The following TUT7 variants were observed in gnomAD, a reference collection of about 807,000 sequenced individuals.
The protein encoded by TUT7 is terminal uridylyl transferase 7.
A neutral mutation model predicts 165.9 loss-of-function variants in TUT7; 33 were observed. The ratio of observed to expected loss-of-function variants is 0.20; its 90% CI spans 0.15 to 0.27. The LOEUF is 0.27. Ranked by LOEUF, TUT7 falls within the 10% of genes least tolerant of loss-of-function variation. TUT7 has a pLI of 1.00. For missense variants in TUT7, 1,338 were observed against 1,762.3 expected (o/e 0.76, Z 4.31); for synonymous variants, 552 against 608.1 (o/e 0.91, Z 1.36).
chr9:86,346,845 T>C, intron 2 of TUT7, among the ~76,000 whole-genome samples: 1 of 152,286 alleles, frequency 6.6e-6, no homozygotes, highest in East Asian at 1.9e-4. Flanking sequence ...TTACAATACA[T>C]ATTGTAAATA....
At chr9:86,302,149 CAT>C (rs1385181863) in intron 25 of TUT7, among the ~76,000 whole-genome samples, 1 of 151,956 alleles carries the variant, frequency 6.6e-6, no homozygotes, top group Non-Finnish European at 1.5e-5. Flanking sequence ...ATTTGAGCAC[CAT>C]GTTTTAAAAT....
chr9:86,327,156 T>G (rs55634966), intron 11 of TUT7, among the ~76,000 whole-genome samples: 2,241 of 152,330 alleles, frequency 0.015, 57 homozygotes, highest in African/African-American at 0.051. Flanking sequence ...CCAGAAATTT[T>G]AAGCATTATT....
intron 20 of TUT7, 61 bp downstream of exon 20, chr9:86,309,402 G>A: frequency 6.7e-7 from 1 of 1,495,630 alleles, no homozygotes; most frequent in Non-Finnish European, 9.1e-7. Flanking sequence ...TTTTAGAGGA[G>A]GAGAAAGGCT....
At chr9:86,303,756 G>T (rs1415790195) in intron 24 of TUT7, among the ~76,000 whole-genome samples, 1 of 152,188 alleles carries the variant, frequency 6.6e-6, no homozygotes. Flanking sequence ...TCCCCAGGGA[G>T]CTTGCTGGAA....
At chr9:86,322,136 C>T (rs1829362904) in intron 14 of TUT7, among the ~76,000 whole-genome samples, 189 bp downstream of exon 14, 1 of 151,998 alleles carries the variant, frequency 6.6e-6, no homozygotes, top group Non-Finnish European at 1.5e-5. Flanking sequence ...TCTCCTCATC[C>T]TTCTTTGACA....
At chr9:86,320,948 G>A (rs1224183822) in intron 14 of TUT7, among the ~76,000 whole-genome samples, 2 of 152,138 alleles carry the variant, frequency 1.3e-5, no homozygotes, top group Admixed American at 6.5e-5. Context: ...ATATAACCTG[G>A]TCCCTTCTTT....
rs1365160653 is a variant in TUT7 at position 86,345,722 on chromosome 9, T to C, written c.766A>G (p.Ile256Val). The change falls in exon 4 of 27, where the codon ATT becomes GTT. Residue 256 changes from isoleucine (I) to valine (V), a missense_variant. Physicochemically the swap from Ile to Val is conservative, Grantham distance 29. Transcript: ENST00000375963. ...CRLCDVLIESIAFAHKHIKEK... is the reference protein window; with the variant it reads ...CRLCDVLIESVAFAHKHIKEK... Reference sequence around the variant, plus strand: ...TTGATATGCTTATGGGCAAATGCAATGGATTCAATTAAAACATCACAGAGT... The same window carrying C: ...TTGATATGCTTATGGGCAAATGCAACGGATTCAATTAAAACATCACAGAGT... 2 of 1,613,754 alleles carry C rather than the reference T, an allele frequency of 1.2e-6. No individual in the cohort carries two copies. The highest frequency in any genetic ancestry group is 1.3e-5 in the African/African-American group (1 of 74,916).
At chr9:86,326,610 T>C (rs1352750004) in intron 11 of TUT7, 1 of 154,426 alleles carries the variant, frequency 6.5e-6, no homozygotes, top group Non-Finnish European at 1.5e-5. Flanking sequence ...AAGAAATCCA[T>C]ATATCACTGA....
intron 21 of TUT7, 107 bp downstream of exon 21, chr9:86,309,105 G>A: frequency 1.5e-6 from 1 of 688,436 alleles, no homozygotes; most frequent in Non-Finnish European, 2.5e-6. Flanking sequence ...ACTATCATAA[G>A]ATATATAAAT....
intron 26 of TUT7, among the ~76,000 whole-genome samples, chr9:86,291,594 T>TAAAAAAAAAAAAAAAAAA (rs1825902340): frequency 7.6e-6 from 1 of 131,340 alleles, no homozygotes. Context: ...AAAAAAAAAG[T>TAAAAAAAAAAAAAAAAAA]AAAAGGGCCC....
intron 2 of TUT7, 188 bp downstream of exon 2, chr9:86,352,492 A>G: frequency 1.4e-6 from 1 of 691,040 alleles, no homozygotes; most frequent in Non-Finnish European, 2.4e-6. Flanking sequence ...AACATATGAA[A>G]TGTGTTTTAG....
chr9:86,295,672 C>T (rs1312041279), intron 26 of TUT7, among the ~76,000 whole-genome samples: 1 of 151,984 alleles, frequency 6.6e-6, no homozygotes, highest in Non-Finnish European at 1.5e-5. Context: ...ATAAAGAACA[C>T]TGGTTTTCGT....
At chr9:86,298,773 G>C (rs768404689) in intron 26 of TUT7, 5 of 984,602 alleles carry the variant, frequency 5.1e-6, no homozygotes, top group Non-Finnish European at 4.8e-6. Flanking sequence ...ATACCTGACT[G>C]GGGACTCAAA....
intron 17 of TUT7, 40 bp from the exon 18 acceptor site, chr9:86,310,849 C>CT: frequency 4.2e-6 from 5 of 1,179,120 alleles, no homozygotes; most frequent in Non-Finnish European, 6.4e-6. Flanking sequence ...AATACAGCAG[C>CT]TGGGGATATA....
chr9:86,354,091 C>G (rs1295596958), intron 1 of TUT7, among the ~76,000 whole-genome samples, 180 bp downstream of exon 1: 1 of 152,218 alleles, frequency 6.6e-6, no homozygotes, highest in Non-Finnish European at 1.5e-5. Flanking sequence ...CCAGGGTTCC[C>G]CCGGCCGGCC....
rs1827311693 is a variant in TUT7, at chr9:86,304,917, T to C, written c.3917A>G (p.Asn1306Ser). The C allele has an allele frequency of 1.9e-6, 3 of 1,610,890 alleles. No individual in the cohort carries two copies. The highest frequency in any genetic ancestry group is 1.7e-5 in the Admixed American group (1 of 59,440). Reference sequence around the variant, plus strand: ...AGGAATACCAAATACTCTTCTACCATTGATAAAAGCCTTCATTATAAAATT... The same window carrying C: ...AGGAATACCAAATACTCTTCTACCACTGATAAAAGCCTTCATTATAAAATT... ...MTNFIMKAFI[N>S]GRRVFGIPVK... The change falls in exon 24 of 27, where the codon AAT becomes AGT. Residue 1306 changes from asparagine (N) to serine (S), a missense_variant. Physicochemically the swap from Asn to Ser is conservative, Grantham distance 46. Around this residue, in one of 7 missense-constraint regions of TUT7, gnomAD observed 157 missense variants for 357.5 expected, o/e 0.44. Coordinates refer to ENST00000375963, the MANE Select transcript of TUT7 (RefSeq NM_024617.4).
At chr9:86,319,510 T>G in intron 15 of TUT7, 74 bp downstream of exon 15, 1 of 1,017,628 alleles carries the variant, frequency 9.8e-7, no homozygotes, top group Middle Eastern at 3.1e-4. Context: ...AAAATCAGTG[T>G]GCTTGTAACA....
rs1826912297 is a variant in TUT7 at position 86,301,610 on chromosome 9, G to C, written c.4095-9C>G. 6.3e-7 allele frequency: 1 copy of C among 1,597,886 alleles called. No homozygotes were observed. The highest frequency in any genetic ancestry group is 1.4e-5 in the African/African-American group (1 of 73,714). The stretch of plus-strand genomic sequence containing the variant: ...CTCGCCGCCGTCTTACTCTGTAGAA[G>C]ATATCATATTAGTAGCAAAAATCTA... On this transcript the variant is annotated splice_polypyrimidine_tract_variant and intron_variant, in intron 25 of 26. Transcript: ENST00000375963.
rs1440174682 is a variant in TUT7, at chr9:86,328,325, C to A, written c.1608+15G>T. The A allele has an allele frequency of 3.2e-6, 5 of 1,550,780 alleles. No homozygotes were observed. Among genetic ancestry groups the A allele is most frequent in the Non-Finnish European group, 3.5e-6 (4 of 1,151,880 alleles). ...GGCAAGTGAAACTGACAACTAGAAA[C>A]AAAAGAGAACAGACCTGTCCCCTTT... On this transcript the variant is annotated intron_variant, in intron 11 of 26. Coordinates refer to ENST00000375963, the MANE Select transcript of TUT7 (RefSeq NM_024617.4).
Sources: allele counts gnomAD v4.1 joint callset (sites outside exome capture counted in the v4.1 genomes callset), GRCh38; gene constraint gnomAD v4.1.1; regional missense constraint gnomAD v4.1.1; transcripts MANE v1.5; gene names NCBI Gene and HGNC (gene_info 2026-07-23, HGNC 2026-07-21).